RTKN2: variants seen among roughly 807,000 people sequenced by gnomAD.
The protein encoded by RTKN2 is rhotekin 2, also known as rhotekin-2.
RTKN2 carries 69 observed loss-of-function variants against 71.5 expected under a neutral mutation model. The ratio of observed to expected loss-of-function variants is 0.96; its 90% CI spans 0.79 to 1.18. RTKN2 has a LOEUF of 1.18. RTKN2 is among the 50% of genes most tolerant of loss of function. The pLI is 0.00. For synonymous variants in RTKN2, 236 were observed against 236.5 expected, an observed-to-expected ratio of 1.00 and a Z score of 0.02; for missense variants, 724 against 719.7, an observed-to-expected ratio of 1.01 and a Z score of -0.07.
chr10:62,215,660 A>T (rs968192482), intron 9 of RTKN2, among the ~76,000 whole-genome samples: 1 of 152,012 alleles, frequency 6.6e-6, no homozygotes, highest in African/African-American at 2.4e-5. Context: ...ACTGATTTTA[A>T]AATGGTTCAG....
In RTKN2 at chr10:62,259,700, T is replaced by G. The variant is rs1842738407; in HGVS notation, c.257+2925A>C. Among the ~76,000 whole-genome samples the G allele has an allele frequency of 2.0e-5, 3 of 152,252 alleles. No individual in the cohort carries two copies. The South Asian group carries it at 6.2e-4, about 32-fold the overall frequency. ...TTGAGTAGCTGGGAGTACAGGCACA[T>G]GCCACCATGCCTGGCTAATTTTTGT... is the stretch of plus-strand genomic sequence containing the variant. On this transcript the variant is annotated intron_variant, in intron 2 of 11. Coordinates refer to ENST00000373789, the MANE Select transcript of RTKN2 (RefSeq NM_145307.4).
At chr10:62,242,668 T>A (rs1020594354) in intron 3 of RTKN2, among the ~76,000 whole-genome samples, 1 of 151,634 alleles carries the variant, frequency 6.6e-6, no homozygotes, top group South Asian at 2.1e-4. Flanking sequence ...CAGGCTGGAG[T>A]GCAATCGTGC....
intron 10 of RTKN2, among the ~76,000 whole-genome samples, chr10:62,202,045 T>C (rs2132813888): frequency 6.6e-6 from 1 of 152,112 alleles, no homozygotes; most frequent in South Asian, 2.1e-4. Context: ...ATATTTATAT[T>C]GTTAAATATT....
chr10:62,238,720 A>G (rs897947834), intron 5 of RTKN2: 3 of 151,962 alleles, frequency 2.0e-5, no homozygotes, highest in African/African-American at 7.2e-5. Flanking sequence ...TTTCCAGGCT[A>G]TACTATTACT....
intron 3 of RTKN2, among the ~76,000 whole-genome samples, chr10:62,241,562 T>C (rs2133013176): frequency 6.6e-6 from 1 of 152,180 alleles, no homozygotes; most frequent in East Asian, 1.9e-4. Flanking sequence ...TCTAGCTAAA[T>C]ACCAACACCA....
chr10:62,216,051 CT>C (rs1841762882), intron 9 of RTKN2, among the ~76,000 whole-genome samples: 1 of 151,792 alleles, frequency 6.6e-6, no homozygotes, highest in Admixed American at 6.6e-5. Context: ...AAAAGACTTT[CT>C]GTAAGTAAAA....
chr10:62,187,837 C>A (rs1417233631), intron 8 of RTKN2, among the ~76,000 whole-genome samples: 1 of 152,188 alleles, frequency 6.6e-6, no homozygotes, highest in Non-Finnish European at 1.5e-5. Flanking sequence ...CCTGCCCCAA[C>A]TACTCAGAGA....
chr10:62,231,925 G>C (rs550943962), intron 6 of RTKN2, among the ~76,000 whole-genome samples: 2 of 152,272 alleles, frequency 1.3e-5, no homozygotes, highest in Admixed American at 1.3e-4. Flanking sequence ...TGCTGAAGTG[G>C]TCAGTTAAGG....
intron 9 of RTKN2, among the ~76,000 whole-genome samples, chr10:62,214,190 T>G (rs1564505951): frequency 6.6e-6 from 1 of 151,768 alleles, no homozygotes; most frequent in Non-Finnish European, 1.5e-5. Flanking sequence ...ATTTATATTC[T>G]ATAATAATAA....
At chr10:62,222,267 GC>G (rs1841925727) in intron 7 of RTKN2, among the ~76,000 whole-genome samples, 1 of 151,794 alleles carries the variant, frequency 6.6e-6, no homozygotes, top group South Asian at 2.1e-4. Context: ...CACGACCATG[GC>G]CAGCTACTTT....
chr10:62,222,819 C>T lies in RTKN2; in HGVS notation c.781+419G>A, dbSNP rs532545048. ...TGCCATCCAAAGAGAAAAAGGTAAACTCTAAATACCACCGCCATCCAAAGA... is the reference window on the plus strand; with the variant it reads ...TGCCATCCAAAGAGAAAAAGGTAAATTCTAAATACCACCGCCATCCAAAGA... On this transcript the variant is annotated intron_variant, in intron 7 of 11. Transcript: ENST00000373789. Among the ~76,000 whole-genome samples the T allele has an allele frequency of 2.9e-3, 441 of 152,278 alleles. 2 individuals are homozygous for T. Among genetic ancestry groups the T allele is most frequent in the African/African-American group, 9.9e-3 (410 of 41,562 alleles).
chr10:62,217,315 A>G, intron 8 of RTKN2, 66 bp from the exon 9 acceptor site: 8 of 1,077,946 alleles, frequency 7.4e-6, no homozygotes, highest in Non-Finnish European at 1.0e-5. Context: ...TAAATACATC[A>G]AAATACTTAT....
intron 9 of RTKN2, among the ~76,000 whole-genome samples, chr10:62,213,156 A>G (rs1426851879): frequency 1.3e-5 from 2 of 152,212 alleles, no homozygotes; most frequent in Admixed American, 1.3e-4. Flanking sequence ...CTTCCGTGTA[A>G]TAAGTGATTT....
intron 1 of RTKN2, among the ~76,000 whole-genome samples, chr10:62,265,626 A>C (rs1315873655): frequency 6.8e-6 from 1 of 147,598 alleles, no homozygotes; most frequent in East Asian, 2.0e-4. Flanking sequence ...TGTATTTCCC[A>C]TGCAACTTCT....
Position 62,236,213 on chromosome 10 carries a change from C to T in RTKN2, c.539G>A (p.Cys180Tyr). 1 of 1,611,250 alleles carries T rather than the reference C, an allele frequency of 6.2e-7. No homozygotes were observed. The highest frequency in any genetic ancestry group is 1.1e-5 in the South Asian group (1 of 90,996). Reference protein sequence around the residue: ...FQIKVEVYSCCTEESSITNTP... With the variant: ...FQIKVEVYSCYTEESSITNTP... The stretch of plus-strand genomic sequence containing the variant: ...GTTGGTTATAGAAGATTCTTCTGTA[C>T]AGCAACTATACACTTCCACCTTTAT... Residue 180 changes from cysteine to tyrosine, a missense_variant, in exon 6 of 12, where the codon TGT becomes TAT. Transcript: ENST00000373789.
Position 62,198,080 on chromosome 10 carries a change from T to C in RTKN2, c.1658A>G (p.Gln553Arg). The C allele has an allele frequency of 6.2e-7, 1 of 1,614,170 alleles. No homozygotes were observed. Among genetic ancestry groups the C allele is most frequent in the Non-Finnish European group, 8.5e-7 (1 of 1,179,996 alleles). ...TKLSTLMHHL[Q>R]KPMAAPRKLL... ...TTTTCGAGGAGCAGCCATTGGTTTC[T>C]GTAAGTGATGCATTAGAGTTGATAG... Residue 553 changes from glutamine (Q) to arginine (R), a missense_variant, in exon 12 of 12, where the codon CAG (glutamine) becomes CGG (arginine). Gln to Arg is a conservative substitution (Grantham distance 43). Transcript: ENST00000373789.
chr10:62,212,927 A>G (rs917795768), intron 9 of RTKN2, among the ~76,000 whole-genome samples: 3 of 152,166 alleles, frequency 2.0e-5, no homozygotes, highest in Non-Finnish European at 4.4e-5. Context: ...AGGGAGTAAT[A>G]TCAACTCCAA....
rs1216591680 is a variant in RTKN2, at chr10:62,204,965, C to G, written c.1078G>C (p.Val360Leu). Residue 360 changes from valine (V) to leucine (L), a missense_variant, in exon 10 of 12, where the codon GTC (valine) becomes CTC (leucine). By Grantham distance (32) the Val-to-Leu change is conservative. Coordinates refer to ENST00000373789, the MANE Select transcript of RTKN2 (RefSeq NM_145307.4). Reference sequence around the variant, plus strand: ...GCTTGTCCAGGAACAGGATTGATGACAGAGAAATTATGGATTCTTTTCTTG... The same window carrying G: ...GCTTGTCCAGGAACAGGATTGATGAGAGAGAAATTATGGATTCTTTTCTTG... ...DAKKRIHNFS[V>L]INPVPGQAIT... 3 of 1,600,118 alleles carry G rather than the reference C, an allele frequency of 1.9e-6. No individual in the cohort carries two copies. The highest frequency in any genetic ancestry group is 3.5e-5 in the Admixed American group (2 of 57,296).
At chr10:62,255,383 G>A (rs1842655768) in intron 2 of RTKN2, among the ~76,000 whole-genome samples, 1 of 152,134 alleles carries the variant, frequency 6.6e-6, no homozygotes, top group African/African-American at 2.4e-5. Flanking sequence ...GCTGACTCTA[G>A]GCATGGGGCA....
Sources: gnomAD v4.1 joint callset for allele counts (sites outside exome capture counted in the v4.1 genomes callset) on GRCh38, gnomAD v4.1.1 for gene constraint, MANE v1.5 for transcripts, NCBI Gene and HGNC (gene_info 2026-07-23, HGNC 2026-07-21) for gene names.